The following ITPR2 variants were observed in gnomAD, a reference collection of about 807,000 sequenced individuals.
ITPR2 encodes inositol 1,4,5-trisphosphate receptor type 2, also known as inositol 1,4,5-trisphosphate-gated calcium channel ITPR2.
A neutral mutation model predicts 317.1 loss-of-function variants in ITPR2; 207 were observed. The observed-to-expected ratio is 0.65, with a 90% CI of 0.58 to 0.73. ITPR2 has a LOEUF of 0.73. ITPR2 is among the 30% of genes least tolerant of loss of function. The pLI, the probability that ITPR2 is intolerant of heterozygous loss-of-function variation, is 0.00. For missense variants in ITPR2, 2,613 were observed against 3,284.0 expected (o/e 0.80, Z 4.99); for synonymous variants, 1,156 against 1,149.1 (o/e 1.01, Z -0.12).
At chr12:26,517,715 G>T (rs893413429) in intron 37 of ITPR2, among the ~76,000 whole-genome samples, 1 of 152,160 alleles carries the variant, frequency 6.6e-6, no homozygotes, top group Non-Finnish European at 1.5e-5. Context: ...GTGCCTGCCT[G>T]TAATCCCAGC....
At chr12:26,728,406 C>T (rs1389970494) in intron 2 of ITPR2, among the ~76,000 whole-genome samples, 2 of 152,188 alleles carry the variant, frequency 1.3e-5, no homozygotes, top group Non-Finnish European at 2.9e-5. Context: ...AAGCCCTTTC[C>T]ATTTCAGGGC....
intron 11 of ITPR2, among the ~76,000 whole-genome samples, chr12:26,684,341 A>G (rs1181278304): frequency 2.0e-5 from 3 of 152,186 alleles, no homozygotes; most frequent in Non-Finnish European, 4.4e-5. Flanking sequence ...CCCACCTGTA[A>G]GACTCTGATT....
chr12:26,395,706 C>T (rs887743412), intron 54 of ITPR2, among the ~76,000 whole-genome samples: 7 of 152,184 alleles, frequency 4.6e-5, no homozygotes, highest in African/African-American at 1.7e-4. Context: ...TAAACAACAG[C>T]TTGGCCCCAT....
intron 21 of ITPR2, among the ~76,000 whole-genome samples, chr12:26,637,702 T>G (rs1397167155): frequency 6.6e-6 from 1 of 152,190 alleles, no homozygotes; most frequent in African/African-American, 2.4e-5. Flanking sequence ...ACAACTCTTC[T>G]CCATTTAATT....
At chr12:26,617,127 C>G (rs1020349296) in intron 26 of ITPR2, among the ~76,000 whole-genome samples, 1 of 152,130 alleles carries the variant, frequency 6.6e-6, no homozygotes, top group African/African-American at 2.4e-5. Context: ...GAGGGTAGCA[C>G]CCCTGACCAT....
chr12:26,462,518 A>G (rs1408135700), intron 45 of ITPR2, among the ~76,000 whole-genome samples: 1 of 151,712 alleles, frequency 6.6e-6, no homozygotes, highest in Non-Finnish European at 1.5e-5. Context: ...CTGGCGGGAA[A>G]AACTATTTTC....
Position 26,546,418 on chromosome 12 carries a change from C to T in ITPR2, c.5073+3829G>A, listed in dbSNP as rs563425230. ...CTTCATATGATCAAATGTGTTAGCT[C>T]CCACATATAAGTGAGAACATGTAGT... On this transcript the variant is annotated intron_variant, in intron 37 of 56. Transcript: ENST00000381340. Among the ~76,000 whole-genome samples, 29 of 152,264 alleles carry T rather than the reference C, an allele frequency of 1.9e-4. 1 individual carries two copies. In the Middle Eastern group the frequency reaches 0.014, roughly 71 times the overall value.
At chr12:26,594,208 G>A (rs2137109883) in intron 32 of ITPR2, among the ~76,000 whole-genome samples, 1 of 152,224 alleles carries the variant, frequency 6.6e-6, no homozygotes, top group South Asian at 2.1e-4. Context: ...TTAGCTGTAT[G>A]GAAATGAAGT....
chr12:26,504,225 A>G (rs1420397708), intron 37 of ITPR2, among the ~76,000 whole-genome samples: 1 of 152,188 alleles, frequency 6.6e-6, no homozygotes, highest in African/African-American at 2.4e-5. Context: ...TATTAAGTAT[A>G]TTTATAAAGT....
intron 2 of ITPR2, among the ~76,000 whole-genome samples, chr12:26,763,837 C>T (rs140670295): frequency 3.9e-4 from 60 of 152,208 alleles, no homozygotes; most frequent in South Asian, 3.5e-3. Context: ...TACCTAAAGC[C>T]AGATCTTTAC....
chr12:26,512,330 G>A (rs556255386), intron 37 of ITPR2, among the ~76,000 whole-genome samples: 43 of 152,196 alleles, frequency 2.8e-4, no homozygotes, highest in African/African-American at 5.8e-4. Flanking sequence ...TCACAGGTGC[G>A]GGACAAAGGA....
At chr12:26,412,714 T>G (rs1940588313) in intron 51 of ITPR2, among the ~76,000 whole-genome samples, 1 of 152,078 alleles carries the variant, frequency 6.6e-6, no homozygotes, top group African/African-American at 2.4e-5. Flanking sequence ...AGGGTCCATC[T>G]AAAGGAGTCA....
intron 45 of ITPR2, among the ~76,000 whole-genome samples, chr12:26,457,399 T>C (rs927969041): frequency 1.3e-5 from 2 of 152,054 alleles, no homozygotes; most frequent in South Asian, 2.1e-4. Flanking sequence ...CCAGGTCATA[T>C]TGGGAGACTT....
chr12:26,534,827 C>T (rs1944043425), intron 37 of ITPR2, among the ~76,000 whole-genome samples: 1 of 152,200 alleles, frequency 6.6e-6, no homozygotes, highest in Non-Finnish European at 1.5e-5. Flanking sequence ...AAATTAGTCA[C>T]TTGCTGTATT....
At chr12:26,659,359 C>G in intron 15 of ITPR2, 74 bp from the exon 16 acceptor site, 2 of 1,262,934 alleles carry the variant, frequency 1.6e-6, no homozygotes, top group East Asian at 4.8e-5. Context: ...GGGTCAACAA[C>G]ATTGATTAAT....
chr12:26,725,229 T>C (rs775875050), intron 3 of ITPR2, among the ~76,000 whole-genome samples: 6 of 152,176 alleles, frequency 3.9e-5, no homozygotes, highest in Non-Finnish European at 7.3e-5. Context: ...GTACCAGGAA[T>C]TTTAATGAGG....
chr12:26,453,113 C>G (rs997831364), intron 45 of ITPR2, among the ~76,000 whole-genome samples: 3 of 151,950 alleles, frequency 2.0e-5, no homozygotes, highest in African/African-American at 7.2e-5. Flanking sequence ...TCAACTAAAA[C>G]AGGTTATACC....
chr12:26,804,425 C>T (rs1317919014), intron 1 of ITPR2, among the ~76,000 whole-genome samples: 1 of 152,104 alleles, frequency 6.6e-6, no homozygotes, highest in African/African-American at 2.4e-5. Flanking sequence ...AATTAAAGTG[C>T]AGAGACCTCT....
chr12:26,786,449 TAAAAAA>T lies in ITPR2; in HGVS notation c.163+3702_163+3707del, dbSNP rs59014121. On this transcript the variant is annotated intron_variant, in intron 2 of 56. Transcript: ENST00000381340. Reference sequence around the variant, plus strand: ...GCGAGAAACACCCAAGAATGATCAATAAAAAAAAAAAAAAAAAAAAATGGAGAATAT... The same window carrying T: ...GCGAGAAACACCCAAGAATGATCAATAAAAAAAAAAAAAAATGGAGAATAT... Among the ~76,000 whole-genome samples the T allele has an allele frequency of 4.8e-3, 568 of 119,222 alleles. 9 individuals carry two copies. In the East Asian group the frequency reaches 0.1, roughly 22 times the overall value. The allele number at this position is 119,222 out of a possible 152,430, so 78.2% of individuals were successfully genotyped here. A position where few individuals can be genotyped will look rare whatever the true frequency, so the allele number is the denominator to read the frequency against.
Sources: gnomAD v4.1 joint callset for allele counts (sites outside exome capture counted in the v4.1 genomes callset) on GRCh38, gnomAD v4.1.1 for gene constraint, MANE v1.5 for transcripts, NCBI Gene and HGNC (gene_info 2026-07-23, HGNC 2026-07-21) for gene names.